Variants in HDAC8 observed in about 807,000 individuals in gnomAD.
The protein encoded by HDAC8 is histone deacetylase-like 1.
HDAC8 carries 1 observed loss-of-function variant against 32.2 expected under a neutral mutation model. The observed-to-expected ratio is 0.03, with a 90% CI of 0.01 to 0.15. The LOEUF is 0.15. HDAC8 is among the 10% of genes least tolerant of loss of function. The pLI is 1.00. For synonymous variants in HDAC8, 108 were observed against 113.9 expected (o/e 0.95, Z 0.33); for missense variants, 117 against 300.0 (o/e 0.39, Z 4.51).
At chrX:72,557,615 C>T (rs2051327340) in intron 4 of HDAC8, among the ~76,000 whole-genome samples, 1 of 110,561 alleles carries the variant, frequency 9.0e-6, no homozygotes, top group Non-Finnish European at 1.9e-5. Context: ...CATTGAATAC[C>T]TACATTAAAA....
At chrX:72,465,196 T>C (rs1453635809) in intron 7 of HDAC8, among the ~76,000 whole-genome samples, 2 of 111,690 alleles carry the variant, frequency 1.8e-5, no homozygotes, top group African/African-American at 3.3e-5. Flanking sequence ...AATTACATGC[T>C]TTACAAGCAT....
Position 72,567,878 on chromosome X carries a change from C to A in HDAC8, c.437+11G>T. On this transcript the variant is annotated intron_variant, in intron 4 of 10. Coordinates refer to ENST00000373573, the MANE Select transcript of HDAC8 (RefSeq NM_018486.3). ...GGAAAGAGTCAGAAAACAGAAAGGT[C>A]ATTTTCTTACTTCTTTGCATGATGC... 4 of 1,211,665 alleles carry A rather than the reference C, an allele frequency of 3.3e-6. No individual in the cohort carries two copies. The highest frequency in any genetic ancestry group is 3.4e-6 in the Non-Finnish European group (3 of 895,459).
At chrX:72,522,000 G>A (rs1361947514) in intron 4 of HDAC8, among the ~76,000 whole-genome samples, 1 of 111,610 alleles carries the variant, frequency 9.0e-6, no homozygotes, top group Non-Finnish European at 1.9e-5. Context: ...AATTATAGAA[G>A]AGGGAGACTC....
intron 7 of HDAC8, among the ~76,000 whole-genome samples, chrX:72,483,570 A>C (rs1466578631): frequency 9.0e-6 from 1 of 111,196 alleles, no homozygotes; most frequent in African/African-American, 3.3e-5. Flanking sequence ...TTAACCTCTT[A>C]TTATTTATAA....
chrX:72,394,723 G>A (rs1264730772), intron 9 of HDAC8, among the ~76,000 whole-genome samples: 3 of 112,092 alleles, frequency 2.7e-5, no homozygotes, highest in African/African-American at 9.7e-5. Context: ...CGAAGATTAA[G>A]CCCAGGGTTC....
intron 9 of HDAC8, among the ~76,000 whole-genome samples, chrX:72,461,093 C>A (rs1386955374): frequency 8.9e-6 from 1 of 112,272 alleles, no homozygotes; most frequent in Non-Finnish European, 1.9e-5. Flanking sequence ...AAGCATCATG[C>A]TCCCAAGTGT....
intron 3 of HDAC8, among the ~76,000 whole-genome samples, chrX:72,568,370 C>G (rs1352430687): frequency 8.9e-6 from 1 of 111,864 alleles, no homozygotes; most frequent in African/African-American, 3.3e-5. Context: ...TTTTTCTAGA[C>G]TATCCTGCAG....
intron 7 of HDAC8, among the ~76,000 whole-genome samples, chrX:72,472,072 AT>A (rs782362925): frequency 7.0e-4 from 66 of 94,323 alleles, no homozygotes; most frequent in East Asian, 1.5e-3. Context: ...TATTTTATTT[AT>A]TTTTTTTTTT....
In HDAC8 at chrX:72,462,109, C is replaced by T; in HGVS notation, c.911-11G>A. The T allele has an allele frequency of 8.6e-7, 1 of 1,166,713 alleles. No individual in the cohort carries two copies. The highest frequency in any genetic ancestry group is 1.8e-5 in the South Asian group (1 of 54,899). On this transcript the variant is annotated splice_polypyrimidine_tract_variant and intron_variant, in intron 8 of 10. Transcript: ENST00000373573. ...CAAGGTTATAGCCTCCTGTCTCCAT[C>T]AAGAATTGTGAAGTTAGGAAAGAAT...
chrX:72,479,218 A>G (rs2048427424), intron 7 of HDAC8, among the ~76,000 whole-genome samples: 1 of 111,991 alleles, frequency 8.9e-6, no homozygotes, highest in Admixed American at 9.5e-5. Flanking sequence ...AAACGTAAAC[A>G]GTAGTTTTTC....
At chrX:72,459,463 CTG>C (rs1390433393) in intron 9 of HDAC8, among the ~76,000 whole-genome samples, 1 of 110,745 alleles carries the variant, frequency 9.0e-6, no homozygotes, top group East Asian at 2.8e-4. Flanking sequence ...AAGCCCAAGA[CTG>C]AGAGCGAAGA....
intron 4 of HDAC8, among the ~76,000 whole-genome samples, chrX:72,527,136 C>T (rs2050177788): frequency 8.9e-6 from 1 of 112,129 alleles, no homozygotes; most frequent in Non-Finnish European, 1.9e-5. Context: ...AGCCTCATCT[C>T]TTGCCACTGA....
intron 9 of HDAC8, among the ~76,000 whole-genome samples, chrX:72,426,108 A>G (rs782180905): frequency 3.6e-5 from 4 of 112,264 alleles, no homozygotes; most frequent in Non-Finnish European, 7.5e-5. Context: ...GTATTTAACC[A>G]CATTCATTTA....
At chrX:72,555,974 G>A (rs782703032) in intron 4 of HDAC8, among the ~76,000 whole-genome samples, 51 of 112,003 alleles carry the variant, frequency 4.6e-4, no homozygotes, top group Admixed American at 7.6e-4. Flanking sequence ...AAGTCAAGAC[G>A]ACGGAAAGAA....
intron 9 of HDAC8, among the ~76,000 whole-genome samples, chrX:72,373,365 T>TGAGC (rs2044946106): frequency 8.9e-6 from 1 of 112,539 alleles, no homozygotes. Context: ...TCATATCCAC[T>TGAGC]GAGCATTCAC....
At chrX:72,396,481 A>T (rs548728633) in intron 9 of HDAC8, among the ~76,000 whole-genome samples, 1 of 112,398 alleles carries the variant, frequency 8.9e-6, no homozygotes, top group African/African-American at 3.2e-5. Context: ...TTTTCTTTCA[A>T]AAAAAGTTAA....
At chrX:72,530,696 T>TCTAC (rs1279516738) in intron 4 of HDAC8, among the ~76,000 whole-genome samples, 4 of 111,267 alleles carry the variant, frequency 3.6e-5, no homozygotes, top group African/African-American at 6.5e-5. Flanking sequence ...TGTCTGTCTA[T>TCTAC]CTACCTACCT....
In HDAC8 at chrX:72,506,360, T is replaced by A. The variant is rs138688032; in HGVS notation, c.438-11092A>T. Among the ~76,000 whole-genome samples the A allele has an allele frequency of 8.9e-3, 997 of 111,823 alleles. 4 individuals are homozygous for A. The highest frequency in any genetic ancestry group is 0.014 in the Middle Eastern group (3 of 217). ...GAAAGTTCAAAATTGGGCAGCTGCA[T>A]CTGGTAAGGGCCTCCCTCATACTGC... On this transcript the variant is annotated intron_variant, in intron 4 of 10. Coordinates refer to ENST00000373573, the MANE Select transcript of HDAC8 (RefSeq NM_018486.3).
chrX:72,455,074 G>A (rs1002818037), intron 9 of HDAC8, among the ~76,000 whole-genome samples: 3 of 112,262 alleles, frequency 2.7e-5, no homozygotes, highest in Admixed American at 9.5e-5. Flanking sequence ...CTTCTTTTAT[G>A]TGAATGGTTG....
Sources: allele counts gnomAD v4.1 joint callset (sites outside exome capture counted in the v4.1 genomes callset), GRCh38; gene constraint gnomAD v4.1.1; transcripts MANE v1.5; gene names NCBI Gene and HGNC (gene_info 2026-07-23, HGNC 2026-07-21).